SYNE3: variants seen among roughly 807,000 people sequenced by gnomAD.
SYNE3 encodes the protein nesprin-3.
In SYNE3, 100 loss-of-function variants were observed where a neutral mutation model predicts 111.2. The ratio of observed to expected loss-of-function variants is 0.90; its 90% CI spans 0.77 to 1.06. SYNE3 has a LOEUF of 1.06. Ranked by LOEUF, SYNE3 falls within the 50% of genes least tolerant of loss-of-function variation. The pLI is 0.00. For missense variants in SYNE3, 1,160 were observed against 1,240.3 expected, an observed-to-expected ratio of 0.94 and a Z score of 0.97; for synonymous variants, 547 against 533.9, an observed-to-expected ratio of 1.02 and a Z score of -0.34.
rs568889534 is a variant in SYNE3 at position 95,493,709 on chromosome 14, G to GC, written c.-14-17875dup. Among the ~76,000 whole-genome samples, 8 of 152,270 alleles carry GC rather than the reference G, an allele frequency of 5.3e-5. No individual in the cohort carries two copies. The South Asian group carries it at 1.7e-3, about 32-fold the overall frequency. ...GCTGCATCGCTGTGGGAAGCCAGCC[G>GC]CCACGGACAGCCTTAGAGGAAAATA... On this transcript the variant is annotated intron_variant, in intron 1 of 17. Transcript: ENST00000682763.
chr14:95,456,197 A>C (rs1887429880), intron 5 of SYNE3: 1 of 179,816 alleles, frequency 5.6e-6, no homozygotes, highest in Admixed American at 6.1e-5. Flanking sequence ...TTTAAAAATG[A>C]GTCCATTTAA....
chr14:95,423,554 TGGGGA>T, intron 17 of SYNE3, among the ~76,000 whole-genome samples: 1 of 65,078 alleles, frequency 1.5e-5, no homozygotes, highest in Admixed American at 1.7e-4. Context: ...TTGATGGGCA[TGGGGA>T]TTTGATGGGG....
intron 1 of SYNE3, among the ~76,000 whole-genome samples, chr14:95,477,489 A>T (rs554585941): frequency 6.6e-6 from 1 of 152,388 alleles, no homozygotes; most frequent in African/African-American, 2.4e-5. Context: ...ACTATTAAAA[A>T]TAAAAATTGT....
At chr14:95,424,174 A>G (rs918849616) in intron 17 of SYNE3, among the ~76,000 whole-genome samples, 3 of 152,184 alleles carry the variant, frequency 2.0e-5, no homozygotes. Context: ...AGGAGGTGAC[A>G]GGGAGAGTCA....
intron 9 of SYNE3, 81 bp from the exon 10 acceptor site, chr14:95,444,709 G>T: frequency 6.8e-7 from 1 of 1,462,414 alleles, no homozygotes; most frequent in Non-Finnish European, 9.1e-7. Flanking sequence ...GTTCAGCCAG[G>T]CTGCTCTTCG....
chr14:95,430,765 A>C (rs1327012517), intron 17 of SYNE3, among the ~76,000 whole-genome samples: 2 of 150,952 alleles, frequency 1.3e-5, no homozygotes, highest in Non-Finnish European at 2.9e-5. Context: ...CAGAGGTTGC[A>C]GTGAGCTGAG....
rs1422502689 is a variant in SYNE3 at position 95,467,886 on chromosome 14, G to T, written c.226C>A (p.Pro76Thr). The T allele has an allele frequency of 6.2e-7, 1 of 1,614,094 alleles. No individual in the cohort carries two copies. Among genetic ancestry groups the T allele is most frequent in the Non-Finnish European group, 8.5e-7 (1 of 1,180,040 alleles). ...RMAEALLACC[P>T]GDQKPGILAR... The stretch of plus-strand genomic sequence containing the variant: ...AGGATCCCGGGCTTCTGGTCCCCAG[G>T]GCAGCATGCCAAGAGGGCTTCAGCC... Residue 76 changes from proline to threonine, a missense_variant, in exon 3 of 18, where the codon CCT becomes ACT. By Grantham distance (38) the Pro-to-Thr change is conservative (BLOSUM62 -1). Coordinates refer to ENST00000682763, the MANE Select transcript of SYNE3 (RefSeq NM_152592.6).
chr14:95,417,771 G>A lies in SYNE3; in HGVS notation c.*55C>T. 6.3e-7 allele frequency: 1 copy of A among 1,584,954 alleles called. No homozygotes were observed. The highest frequency in any genetic ancestry group is 8.7e-7 in the Non-Finnish European group (1 of 1,153,630). On this transcript the variant is annotated 3_prime_UTR_variant, in exon 18 of 18. Coordinates refer to ENST00000682763, the MANE Select transcript of SYNE3 (RefSeq NM_152592.6). The stretch of plus-strand genomic sequence containing the variant: ...TTTCCCTGGCGAGCATCCTCAGGAG[G>A]GGCCCTGGGACTGATGGAGGTTGGA...
intron 4 of SYNE3, among the ~76,000 whole-genome samples, chr14:95,457,692 A>G (rs918210294): frequency 1.3e-5 from 2 of 152,196 alleles, no homozygotes; most frequent in African/African-American, 4.8e-5. Context: ...TGTCATTCTG[A>G]GCACTCGCCA....
In SYNE3 at chr14:95,476,417, T is replaced by C. The variant is rs143894259; in HGVS notation, c.-14-582A>G. Among the ~76,000 whole-genome samples, 978 of 152,338 alleles carry C rather than the reference T, an allele frequency of 6.4e-3. 18 individuals carry two copies. Among genetic ancestry groups the C allele is most frequent in the African/African-American group, 0.022 (933 of 41,572 alleles). On this transcript the variant is annotated intron_variant, in intron 1 of 17. Transcript: ENST00000682763. ...AGTTACCCACTGAGCCACTCCCCTC[T>C]GACCTCTGCGCAGCACTCCTCGCAA...
At chr14:95,511,291 AAAG>A (rs1221129608) in intron 1 of SYNE3, among the ~76,000 whole-genome samples, 2 of 152,240 alleles carry the variant, frequency 1.3e-5, no homozygotes, top group Non-Finnish European at 2.9e-5. Flanking sequence ...TTCCTGTAGG[AAAG>A]AAGATTCTAA....
intron 1 of SYNE3, among the ~76,000 whole-genome samples, chr14:95,509,446 G>T (rs1162700827): frequency 6.6e-6 from 1 of 152,198 alleles, no homozygotes; most frequent in Non-Finnish European, 1.5e-5. Context: ...TGGGCTGAGG[G>T]GGTGAACTAT....
In SYNE3 at chr14:95,467,848, C is replaced by T. The variant is rs778224184; in HGVS notation, c.264G>A (p.Lys88=). The T allele has an allele frequency of 1.9e-6, 3 of 1,614,072 alleles. No individual in the cohort carries two copies. Among genetic ancestry groups the T allele is most frequent in the Non-Finnish European group, 8.5e-7 (1 of 1,180,036 alleles). ...DQKPGILARL[K]DIKAQWEETV... is the part of the protein sequence containing the mutation. ...TCTCCTCCCATTGGGCCTTGATGTCCTTCAGCCGGGCCAGGATCCCGGGCT... is the reference window on the plus strand; with the variant it reads ...TCTCCTCCCATTGGGCCTTGATGTCTTTCAGCCGGGCCAGGATCCCGGGCT... Residue 88 remains lysine, a synonymous_variant, in exon 3 of 18, where the codon AAG becomes AAA. Coordinates refer to ENST00000682763, the MANE Select transcript of SYNE3 (RefSeq NM_152592.6).
chr14:95,460,434 TG>T (rs1319287543), intron 4 of SYNE3, among the ~76,000 whole-genome samples: 5 of 149,614 alleles, frequency 3.3e-5, no homozygotes, highest in Admixed American at 1.4e-4. Context: ...TTGGCTAGGT[TG>T]GTCTCGAACT....
intron 10 of SYNE3, 34 bp downstream of exon 10, chr14:95,444,451 G>A: frequency 6.3e-7 from 1 of 1,578,262 alleles, no homozygotes; most frequent in Non-Finnish European, 8.6e-7. Flanking sequence ...TGAGCACCTG[G>A]GCAGGAGTGA....
intron 1 of SYNE3, among the ~76,000 whole-genome samples, chr14:95,476,607 A>G (rs965323392): frequency 6.6e-6 from 1 of 152,212 alleles, no homozygotes; most frequent in Non-Finnish European, 1.5e-5. Context: ...TTCTCCTGTG[A>G]CTTTCTTAAA....
chr14:95,429,308 A>G (rs1349187262), intron 17 of SYNE3, among the ~76,000 whole-genome samples: 3 of 152,198 alleles, frequency 2.0e-5, no homozygotes, highest in Admixed American at 6.5e-5. Context: ...ACTCGCATTT[A>G]AATTTGGAAG....
At chr14:95,439,834 G>A in intron 12 of SYNE3, 50 bp from the exon 13 acceptor site, 1 of 1,591,342 alleles carries the variant, frequency 6.3e-7, no homozygotes, top group South Asian at 1.2e-5. Context: ...GGTGGAGGGA[G>A]GTTTCTGCTC....
rs901802001 is a variant in SYNE3 at position 95,500,954 on chromosome 14, C to T, written c.-15+15642G>A. 4.6e-5 allele frequency among the ~76,000 whole-genome samples: 7 copies of T among 152,252 alleles called. No homozygotes were observed. Among genetic ancestry groups the T allele is most frequent in the African/African-American group, 1.7e-4 (7 of 41,462 alleles). ...CCCGTCTGACTTTCTAAAATATTTTCTCTCTCCTCTCAGACAATACTGGCT... is the reference window on the plus strand; with the variant it reads ...CCCGTCTGACTTTCTAAAATATTTTTTCTCTCCTCTCAGACAATACTGGCT... On this transcript the variant is annotated intron_variant, in intron 1 of 17. Coordinates refer to ENST00000682763, the MANE Select transcript of SYNE3 (RefSeq NM_152592.6). The surrounding 1 kb of genome is among the most constrained non-coding windows in gnomAD (Gnocchi z 4.7).
Sources: gnomAD v4.1 joint callset for allele counts (sites outside exome capture counted in the v4.1 genomes callset) on GRCh38, gnomAD v4.1.1 for gene constraint, Gnocchi (gnomAD v3.1) non-coding constraint, MANE v1.5 for transcripts, NCBI Gene and HGNC (gene_info 2026-07-23, HGNC 2026-07-21) for gene names.